The following CPLX2 variants were observed in gnomAD, a reference collection of about 807,000 sequenced individuals.
The protein encoded by CPLX2 is complexin-2.
In CPLX2, 5 loss-of-function variants were observed where a neutral mutation model predicts 16.3. The ratio of observed to expected loss-of-function variants is 0.31; its 90% CI spans 0.16 to 0.64. The LOEUF (loss-of-function observed/expected upper bound fraction) is 0.64. Among genes scored for constraint, CPLX2 ranks in the 30% least tolerant of loss-of-function variants. The pLI is 0.79. For missense variants in CPLX2, 144 were observed against 181.4 expected (o/e 0.79, Z 1.18); for synonymous variants, 89 against 73.2 (o/e 1.22, Z -1.10).
chr5:175,869,839 AAGCCTCAACT>A (rs1349040118), upstream of CPLX2, among the ~76,000 whole-genome samples: 4 of 152,148 alleles, frequency 2.6e-5, no homozygotes, highest in Non-Finnish European at 2.9e-5. Context: ...TATTTTCCTT[AAGCCTCAACT>A]AGATTTGTAG....
chr5:175,878,472 CG>C (rs1755465103), intron 1 of CPLX2, 179 bp from the exon 2 acceptor site: 3 of 567,320 alleles, frequency 5.3e-6, no homozygotes, highest in Non-Finnish European at 9.4e-6. Flanking sequence ...GCAGCACCTA[CG>C]TGTCTGCCCA....
rs1755667297 is a variant in CPLX2 at position 175,883,309 on chromosome 5, C to G, written c.*3264C>G. 6.6e-6 allele frequency: 1 copy of G among 152,336 alleles called. No homozygotes were observed. Among genetic ancestry groups the G allele is most frequent in the Admixed American group, 6.5e-5 (1 of 15,288 alleles). 9.4% of individuals were successfully genotyped at this position (152,336 alleles called of 1,614,324 possible). On this transcript the variant is annotated 3_prime_UTR_variant, in exon 4 of 4. Transcript: ENST00000393745. ...ACATGGACGTCCTCCCCTCCAAATC[C>G]AGAAGCTCCCAGAAGGTGTCCTTAA...
chr5:175,847,146 C>T (rs777871254), intron 2 of CPLX2, among the ~76,000 whole-genome samples: 3 of 152,288 alleles, frequency 2.0e-5, no homozygotes, highest in East Asian at 1.9e-4. Flanking sequence ...TCGTCCCAGG[C>T]GACGTGAGGC....
upstream of CPLX2, among the ~76,000 whole-genome samples, chr5:175,868,575 C>T (rs577429626): frequency 2.0e-5 from 3 of 152,106 alleles, no homozygotes; most frequent in Non-Finnish European, 2.9e-5. Context: ...AGAGCAGGCT[C>T]GGCAAGAACC....
At chr5:175,844,713 C>T (rs762622115) in intron 2 of CPLX2, among the ~76,000 whole-genome samples, 3 of 152,132 alleles carry the variant, frequency 2.0e-5, no homozygotes, top group Non-Finnish European at 2.9e-5. Context: ...TGCAACTCCA[C>T]GAACAGAGGG....
intron 2 of CPLX2, among the ~76,000 whole-genome samples, chr5:175,833,857 C>T (rs1253269345): frequency 6.6e-6 from 1 of 152,168 alleles, no homozygotes; most frequent in African/African-American, 2.4e-5. Flanking sequence ...CTGTTGCCTG[C>T]CTCTGGTTTT....
intron 1 of CPLX2, among the ~76,000 whole-genome samples, chr5:175,799,552 A>ATATATATATATATG (rs1758052113): frequency 7.5e-6 from 1 of 133,362 alleles, no homozygotes. Flanking sequence ...ATATATATAT[A>ATATATATATATATG]TATATATATA....
At chr5:175,871,425 G>GACAGAGAC (rs1561790280), upstream of CPLX2, 1 of 108,010 alleles carries the variant, frequency 9.3e-6, no homozygotes, top group Non-Finnish European at 2.0e-5. Context: ...GAGAGAGAGA[G>GACAGAGAC]AGAGAGACAG....
At chr5:175,808,383 A>G (rs1758251902) in intron 1 of CPLX2, among the ~76,000 whole-genome samples, 1 of 152,102 alleles carries the variant, frequency 6.6e-6, no homozygotes, top group Non-Finnish European at 1.5e-5. Context: ...AAAGTCATGT[A>G]ACGGCCAACC....
At chr5:175,821,687 C>T (rs528724248) in intron 2 of CPLX2, among the ~76,000 whole-genome samples, 2 of 152,324 alleles carry the variant, frequency 1.3e-5, no homozygotes, top group South Asian at 2.1e-4. Flanking sequence ...GGATTACAGG[C>T]GTGAGCCACC....
intron 1 of CPLX2, among the ~76,000 whole-genome samples, chr5:175,801,271 CT>C: frequency 1.3e-5 from 2 of 152,034 alleles, no homozygotes; most frequent in East Asian, 3.9e-4. Context: ...GAGACACAGC[CT>C]CTCCCACCTG....
chr5:175,858,180 A>G (rs1759295803), intron 2 of CPLX2, among the ~76,000 whole-genome samples: 1 of 152,200 alleles, frequency 6.6e-6, no homozygotes, highest in South Asian at 2.1e-4. Flanking sequence ...AACAGTACAT[A>G]ATAGGAGGTA....
chr5:175,830,232 G>A lies in CPLX2; in HGVS notation c.-89+21164G>A, dbSNP rs1484064100. 6.6e-6 allele frequency among the ~76,000 whole-genome samples: 1 copy of A among 152,230 alleles called. No homozygotes were observed. The highest frequency in any genetic ancestry group is 2.4e-5 in the African/African-American group (1 of 41,456). Reference sequence around the variant, plus strand: ...CTGCCCTGGTTCCCTGCCCCCGGGGGAGCACAGCCCAGCAAGAGGGAAATG... The same window carrying A: ...CTGCCCTGGTTCCCTGCCCCCGGGGAAGCACAGCCCAGCAAGAGGGAAATG... On this transcript the variant is annotated intron_variant, in intron 2 of 4. Coordinates refer to the CPLX2 transcript ENST00000359546. The surrounding 1 kb of genome is among the most constrained non-coding windows in gnomAD (Gnocchi z 4.0).
At chr5:175,799,116 A>G (rs1480560750) in intron 1 of CPLX2, among the ~76,000 whole-genome samples, 4 of 152,262 alleles carry the variant, frequency 2.6e-5, no homozygotes, top group African/African-American at 9.6e-5. Flanking sequence ...AGGTTTTACC[A>G]TGCCAGAATT....
intron 1 of CPLX2, among the ~76,000 whole-genome samples, chr5:175,801,509 A>C (rs1013736931): frequency 5.3e-5 from 8 of 152,176 alleles, no homozygotes; most frequent in Non-Finnish European, 1.0e-4. Context: ...GTAGCTGTGG[A>C]GGGCATGGCC....
At chr5:175,805,090 C>T (rs1758171721) in intron 1 of CPLX2, among the ~76,000 whole-genome samples, 1 of 152,218 alleles carries the variant, frequency 6.6e-6, no homozygotes, top group African/African-American at 2.4e-5. Context: ...TAAACTCTTG[C>T]TGCTGTGGCC....
At chr5:175,864,729 G>A (rs1759434091) in intron 2 of CPLX2, among the ~76,000 whole-genome samples, 1 of 152,128 alleles carries the variant, frequency 6.6e-6, no homozygotes, top group South Asian at 2.1e-4. Flanking sequence ...AAGAGAATGA[G>A]TGAGTGAAAA....
intron 2 of CPLX2, among the ~76,000 whole-genome samples, chr5:175,856,141 C>A (rs1018201225): frequency 1.3e-5 from 2 of 152,180 alleles, no homozygotes; most frequent in African/African-American, 4.8e-5. Context: ...AGTTGTGCGA[C>A]CTTGGCAAGT....
chr5:175,858,589 C>T (rs1257246255), intron 2 of CPLX2, among the ~76,000 whole-genome samples: 3 of 152,214 alleles, frequency 2.0e-5, no homozygotes, highest in African/African-American at 7.2e-5. Flanking sequence ...GGAGGAGCAG[C>T]TGCCAAGCCT....
Sources: allele counts gnomAD v4.1 joint callset (sites outside exome capture counted in the v4.1 genomes callset), GRCh38; gene constraint gnomAD v4.1.1; non-coding constraint Gnocchi (gnomAD v3.1); transcripts MANE v1.5; gene names NCBI Gene and HGNC (gene_info 2026-07-23, HGNC 2026-07-21).